Variants in EDA observed in about 807,000 individuals in gnomAD.
EDA encodes ectodysplasin-A.
EDA carries 2 observed loss-of-function variants against 23.6 expected under a neutral mutation model. That is an observed-to-expected ratio of 0.08 (90% CI 0.03 to 0.27). The LOEUF (loss-of-function observed/expected upper bound fraction) is 0.27. EDA is among the 10% of genes least tolerant of loss of function. The pLI is 1.00. For synonymous variants in EDA, 131 were observed against 132.0 expected (o/e 0.99, Z 0.05); for missense variants, 229 against 324.2 (o/e 0.71, Z 2.26).
At chrX:69,999,933 A>G (rs1275643302) in intron 2 of EDA, among the ~76,000 whole-genome samples, 1 of 111,796 alleles carries the variant, frequency 8.9e-6, no homozygotes, top group Non-Finnish European at 1.9e-5. Flanking sequence ...AGATTATTCA[A>G]TAATAGGAAA....
chrX:69,908,405 G>A (rs2018209788), intron 1 of EDA, among the ~76,000 whole-genome samples: 1 of 110,088 alleles, frequency 9.1e-6, no homozygotes, highest in Admixed American at 9.8e-5. Context: ...GAATTACTGA[G>A]TAGCTTACCA....
rs138087284 is a variant in EDA at position 69,635,566 on chromosome X, C to CTTTTTTTTTT, written c.396+18873_396+18882dup. Among the ~76,000 whole-genome samples, 204 of 63,446 alleles carry CTTTTTTTTTT rather than the reference C, an allele frequency of 3.2e-3. 34 individuals are homozygous for CTTTTTTTTTT. The highest frequency in any genetic ancestry group is 0.014 in the African/African-American group (192 of 13,559). The allele number at this position is 63,446 out of a possible 115,157, so 55.1% of individuals were successfully genotyped here. A position where few individuals can be genotyped will look rare whatever the true frequency, so the allele number is the denominator to read the frequency against. ...CCCCACTCACATTCTAACACCAAAT[C>CTTTTTTTTTT]TTTTTTTTTTTTTTTTTTTTGACAC... is the stretch of plus-strand genomic sequence containing the variant. On this transcript the variant is annotated intron_variant, in intron 1 of 7. Transcript: ENST00000374552.
intron 1 of EDA, among the ~76,000 whole-genome samples, chrX:69,928,735 C>T (rs1024019564): frequency 5.4e-5 from 6 of 111,522 alleles, no homozygotes; most frequent in Admixed American, 1.9e-4. Context: ...TAATTGTAAA[C>T]CAGGGATATT....
At chrX:69,966,987 T>C (rs893926387) in intron 2 of EDA, among the ~76,000 whole-genome samples, 3 of 109,723 alleles carry the variant, frequency 2.7e-5, no homozygotes, top group African/African-American at 9.9e-5. Context: ...TATATATATA[T>C]ATAAACATAG....
At chrX:69,918,772 T>C (rs930501657) in intron 1 of EDA, among the ~76,000 whole-genome samples, 2 of 111,265 alleles carry the variant, frequency 1.8e-5, no homozygotes, top group East Asian at 5.6e-4. Context: ...AAGTAACTGA[T>C]TGGATTCACT....
At chrX:69,827,586 T>C (rs970331387) in intron 1 of EDA, among the ~76,000 whole-genome samples, 1 of 111,908 alleles carries the variant, frequency 8.9e-6, no homozygotes, top group Admixed American at 9.5e-5. Context: ...TTGATTATTC[T>C]AGTTATACAT....
intron 1 of EDA, among the ~76,000 whole-genome samples, chrX:69,714,316 T>C (rs1328551432): frequency 9.0e-6 from 1 of 111,323 alleles, no homozygotes; most frequent in East Asian, 2.8e-4. Flanking sequence ...TTTTCAAATA[T>C]GTGGTTTGGA....
intron 1 of EDA, among the ~76,000 whole-genome samples, chrX:69,886,662 C>T (rs377361302): frequency 3.6e-5 from 4 of 111,013 alleles, no homozygotes; most frequent in Admixed American, 1.9e-4. Context: ...CATCCTGGCA[C>T]CAGTCCTACA....
intron 1 of EDA, among the ~76,000 whole-genome samples, chrX:69,678,525 A>G (rs1192677420): frequency 1.3e-4 from 15 of 111,135 alleles, no homozygotes; most frequent in Non-Finnish European, 2.8e-4. Flanking sequence ...TTCTCCTTGA[A>G]GAGGTCCTTC....
intron 1 of EDA, chrX:69,756,879 A>G (rs2014139023): frequency 9.0e-6 from 1 of 111,707 alleles, no homozygotes. Context: ...TTGCAGGGGA[A>G]AGAAGAGGAC....
chrX:69,632,328 C>T (rs1490242138), intron 1 of EDA, among the ~76,000 whole-genome samples: 1 of 111,966 alleles, frequency 8.9e-6, no homozygotes, highest in Admixed American at 9.5e-5. Flanking sequence ...TCCAATCACC[C>T]TCTTGCAATT....
chrX:69,987,435 C>G (rs1287420130), intron 2 of EDA, among the ~76,000 whole-genome samples: 1 of 109,054 alleles, frequency 9.2e-6, no homozygotes, highest in African/African-American at 3.3e-5. Flanking sequence ...ACACAACAAA[C>G]AAAACTGAGT....
intron 1 of EDA, among the ~76,000 whole-genome samples, chrX:69,929,740 G>A (rs1336079069): frequency 2.8e-5 from 3 of 107,044 alleles, no homozygotes; most frequent in Non-Finnish European, 5.8e-5. Flanking sequence ...GTGTGTGTGT[G>A]TGTGTGTGTG....
intron 1 of EDA, among the ~76,000 whole-genome samples, chrX:69,764,387 T>C (rs991225737): frequency 1.1e-4 from 12 of 107,288 alleles, no homozygotes; most frequent in African/African-American, 3.7e-4. Flanking sequence ...GGATTATAGG[T>C]GCCTGCCACC....
chrX:69,878,729 C>T (rs1026710255), intron 1 of EDA, among the ~76,000 whole-genome samples: 4 of 109,164 alleles, frequency 3.7e-5, no homozygotes, highest in Non-Finnish European at 7.6e-5. Context: ...CACACACACA[C>T]ACACACACAC....
At chrX:69,859,899 G>A (rs561856341) in intron 1 of EDA, among the ~76,000 whole-genome samples, 3 of 111,461 alleles carry the variant, frequency 2.7e-5, no homozygotes, top group African/African-American at 9.8e-5. Flanking sequence ...ATGAATCTGG[G>A]TACTTCTGTG....
intron 1 of EDA, among the ~76,000 whole-genome samples, chrX:69,801,606 T>G (rs2015687547): frequency 8.9e-6 from 1 of 111,949 alleles, no homozygotes; most frequent in Admixed American, 9.5e-5. Flanking sequence ...AGATATTTGT[T>G]ACACATATGA....
At chrX:69,935,219 C>G (rs1300780964) in intron 1 of EDA, among the ~76,000 whole-genome samples, 2 of 112,079 alleles carry the variant, frequency 1.8e-5, no homozygotes, top group East Asian at 5.6e-4. Flanking sequence ...GCTTCCAAAT[C>G]TTGGCTATTG....
intron 1 of EDA, among the ~76,000 whole-genome samples, chrX:69,701,417 G>A (rs2011530043): frequency 8.9e-6 from 1 of 112,147 alleles, no homozygotes; most frequent in African/African-American, 3.2e-5. Context: ...CAGGTGCCAG[G>A]TGGAGGTGGA....
Sources: gnomAD v4.1 joint callset for allele counts (sites outside exome capture counted in the v4.1 genomes callset) on GRCh38, gnomAD v4.1.1 for gene constraint, MANE v1.5 for transcripts, NCBI Gene and HGNC (gene_info 2026-07-23, HGNC 2026-07-21) for gene names.